MADD: variants seen among roughly 807,000 people sequenced by gnomAD.
The protein encoded by MADD is MAP kinase activating death domain.
MADD carries 109 observed loss-of-function variants against 176.7 expected under a neutral mutation model. The observed-to-expected ratio is 0.62, with a 90% CI of 0.53 to 0.72. The LOEUF (loss-of-function observed/expected upper bound fraction) is 0.72. MADD is among the 30% of genes least tolerant of loss of function. The pLI is 0.00. For synonymous variants in MADD, 771 were observed against 771.3 expected, an observed-to-expected ratio of 1.00 and a Z score of 0.01; for missense variants, 1,914 against 2,045.5, an observed-to-expected ratio of 0.94 and a Z score of 1.24.
At chr11:47,309,679 A>G in intron 25 of MADD, 67 bp downstream of exon 28, 1 of 1,258,022 alleles carries the variant, frequency 7.9e-7, no homozygotes, top group East Asian at 2.3e-5. Flanking sequence ...CCTGTCGCCT[A>G]AATTTCGGGG....
intron 22 of MADD, among the ~76,000 whole-genome samples, chr11:47,302,158 G>A (rs2078237993): frequency 6.6e-6 from 1 of 152,136 alleles, no homozygotes; most frequent in South Asian, 2.1e-4. Context: ...ATATATATTT[G>A]CAATTGTTAT....
chr11:47,324,145 A>G, intron 28 of MADD, 120 bp from the exon 32 acceptor site: 1 of 803,904 alleles, frequency 1.2e-6, no homozygotes, highest in Non-Finnish European at 2.1e-6. Context: ...GAAAAATAGG[A>G]GGACTACTTA....
At chr11:47,292,237 G>C (rs1401948029) in intron 19 of MADD, among the ~76,000 whole-genome samples, 1 of 152,142 alleles carries the variant, frequency 6.6e-6, no homozygotes, top group African/African-American at 2.4e-5. Context: ...GCCTCTTTAG[G>C]ACCAGTTCCT....
chr11:47,285,048 G>T lies in MADD; in HGVS notation c.2265G>T (p.Gln755His), dbSNP rs199538960. The T allele has an allele frequency of 1.2e-4, 198 of 1,614,038 alleles. 1 individual carries two copies. Among genetic ancestry groups the T allele is most frequent in the Non-Finnish European group, 1.5e-4 (181 of 1,180,056 alleles). Residue 755 changes from glutamine to histidine, a missense_variant, in exon 13 of 33, where the codon CAG (glutamine) becomes CAT (histidine). Physicochemically the swap from Gln to His is conservative, Grantham distance 24. This residue lies in a region of MADD where 1,767 missense variants were observed against 1,836.0 expected (regional missense o/e 0.96). Transcript: ENST00000402192. ...GCAAATCGAACGTGGACAGACGTCA[G>T]GCAGAAATTGGAGAGGGGTCAGTGC...
intron 19 of MADD, among the ~76,000 whole-genome samples, chr11:47,292,906 C>T (rs1306277235): frequency 1.3e-5 from 2 of 152,172 alleles, no homozygotes; most frequent in East Asian, 1.9e-4. Flanking sequence ...GCTGATATCT[C>T]CCACACCTGT....
At chr11:47,279,735 A>G (rs965112097) in intron 7 of MADD, among the ~76,000 whole-genome samples, 1 of 151,642 alleles carries the variant, frequency 6.6e-6, no homozygotes, top group South Asian at 2.1e-4. Flanking sequence ...GGCTGCTTTT[A>G]TATTATCTTC....
At chr11:47,328,636 T>G in intron 31 of MADD, 22 bp from the exon 36 acceptor site, 2 of 1,614,194 alleles carry the variant, frequency 1.2e-6, no homozygotes, top group Non-Finnish European at 1.7e-6. Context: ...TTCTGTTTTG[T>G]CTCTTGCCCG....
chr11:47,279,720 C>T (rs1468693386), intron 7 of MADD, among the ~76,000 whole-genome samples: 2 of 151,844 alleles, frequency 1.3e-5, no homozygotes, highest in East Asian at 1.9e-4. Context: ...TAGTGTGGAC[C>T]GTCTGGCTGC....
At chr11:47,291,174 A>G (rs1037709672) in intron 19 of MADD, among the ~76,000 whole-genome samples, 7 of 152,118 alleles carry the variant, frequency 4.6e-5, no homozygotes, top group Admixed American at 2.6e-4. Flanking sequence ...TTATAGATGC[A>G]TTTTTGGGCT....
At position 47,286,947 on chromosome 11, in the gene MADD, C is replaced by G. The variant is rs185478778; in HGVS notation, c.2653+413C>G. Among the ~76,000 whole-genome samples the G allele has an allele frequency of 1.6e-4, 24 of 152,326 alleles. 1 individual carries two copies. Among genetic ancestry groups the G allele is most frequent in the Admixed American group, 1.5e-3 (23 of 15,294 alleles). ...GCAGCGTTCATAGAGCACAGCCTCT[C>G]ACCTCTCACGCACTCATAAGCCTGT... On this transcript the variant is annotated intron_variant, in intron 15 of 32. Coordinates refer to ENST00000402192, the Ensembl canonical transcript of MADD.
At chr11:47,279,503 C>T (rs973062164) in intron 7 of MADD, among the ~76,000 whole-genome samples, 1 of 150,758 alleles carries the variant, frequency 6.6e-6, no homozygotes, top group Non-Finnish European at 1.5e-5. Flanking sequence ...TTCTGCCTCT[C>T]CAGGAGCTGG....
intron 15 of MADD, 104 bp from the exon 17 acceptor site, chr11:47,289,287 C>A: frequency 1.0e-6 from 1 of 981,152 alleles, no homozygotes. Context: ...CCTCACCCAG[C>A]CCTTCTGAGG....
intron 5 of MADD, among the ~76,000 whole-genome samples, chr11:47,277,231 G>T (rs957126969): frequency 6.6e-6 from 1 of 152,170 alleles, no homozygotes; most frequent in Admixed American, 6.5e-5. Flanking sequence ...CATATATACC[G>T]GTGATACCGT....
At chr11:47,315,755 A>G (rs561898024) in intron 27 of MADD, among the ~76,000 whole-genome samples, 40 of 151,864 alleles carry the variant, frequency 2.6e-4, no homozygotes, top group Non-Finnish European at 4.9e-4. Flanking sequence ...TATTATAGGC[A>G]TGAGCCACCG....
chr11:47,296,157 A>T lies in MADD; in HGVS notation c.3642+102A>T. 2.2e-6 allele frequency: 3 copies of T among 1,335,782 alleles called. No homozygotes were observed. In the Admixed American group the frequency reaches 6.5e-5, roughly 29 times the overall value. The allele number at this position is 1,335,782 out of a possible 1,614,324, so 82.7% of individuals were successfully genotyped here. A position where few individuals can be genotyped will look rare whatever the true frequency, so the allele number is the denominator to read the frequency against. On this transcript the variant is annotated intron_variant, in intron 22 of 32. Transcript: ENST00000402192. Reference sequence around the variant, plus strand: ...AAGAGACGCTAAAGAGGTAAAGGTTAAATAAGGAAGAGGTAATCTTCTTAT... The same window carrying T: ...AAGAGACGCTAAAGAGGTAAAGGTTTAATAAGGAAGAGGTAATCTTCTTAT...
chr11:47,269,782 AG>A (rs1196878821), upstream of MADD: 1 of 152,002 alleles, frequency 6.6e-6, no homozygotes, highest in African/African-American at 2.4e-5. Flanking sequence ...GGGGATGGGG[AG>A]CCCGTCAGGA....
rs769479412 is a variant in MADD at position 47,290,604 on chromosome 11, C to G, written c.3095-6C>G. 1 of 1,610,480 alleles carries G rather than the reference C, an allele frequency of 6.2e-7. No homozygotes were observed. The highest frequency in any genetic ancestry group is 8.5e-7 in the Non-Finnish European group (1 of 1,177,976). Reference sequence around the variant, plus strand: ...TTCTCTTGACCTCTTGATATTTTTCCCTCAGAACCAGACAAGCGGAAGAGA... The same window carrying G: ...TTCTCTTGACCTCTTGATATTTTTCGCTCAGAACCAGACAAGCGGAAGAGA... On this transcript the variant is annotated splice_region_variant and splice_polypyrimidine_tract_variant and intron_variant, in intron 18 of 32. Transcript: ENST00000402192.
At chr11:47,326,045 C>CT (rs1272820783) in intron 30 of MADD, among the ~76,000 whole-genome samples, 1 of 152,206 alleles carries the variant, frequency 6.6e-6, no homozygotes, top group African/African-American at 2.4e-5. Flanking sequence ...AAAGCACAGG[C>CT]TTCGGTGTGA....
intron 12 of MADD, 118 bp downstream of exon 12, chr11:47,284,683 T>C: frequency 7.3e-7 from 1 of 1,366,312 alleles, no homozygotes; most frequent in Non-Finnish European, 9.9e-7. Context: ...CTCATCTTCC[T>C]CTTCATGGGC....
Sources: allele counts gnomAD v4.1 joint callset (sites outside exome capture counted in the v4.1 genomes callset), GRCh38; gene constraint gnomAD v4.1.1; regional missense constraint gnomAD v4.1.1; transcripts MANE v1.5; gene names NCBI Gene and HGNC (gene_info 2026-07-23, HGNC 2026-07-21).